Variants in CELF2 observed in about 807,000 individuals in gnomAD.
The protein encoded by CELF2 is CUG triplet repeat RNA-binding protein 2.
CELF2 carries 8 observed loss-of-function variants against 62.6 expected under a neutral mutation model. The observed-to-expected ratio is 0.13, with a 90% CI of 0.07 to 0.23. The LOEUF is 0.23. Ranked by LOEUF, CELF2 falls within the 10% of genes least tolerant of loss-of-function variation. The probability of loss-of-function intolerance (pLI) is 1.00; values close to 1 mark genes in which losing one functional copy is unlikely to be tolerated. For synonymous variants in CELF2, 258 were observed against 250.0 expected (o/e 1.03, Z -0.30); for missense variants, 333 against 671.0 (o/e 0.50, Z 5.56).
At chr10:10,932,258 C>T (rs1310389638) in intron 2 of CELF2, among the ~76,000 whole-genome samples, 3 of 151,980 alleles carry the variant, frequency 2.0e-5, no homozygotes, top group East Asian at 1.9e-4. Context: ...ACAAGGTATG[C>T]GGTGGGGAGT....
rs1040896221 is a variant in CELF2 at position 11,012,086 on chromosome 10, G to T, written c.53+6646G>T. 3.9e-5 allele frequency among the ~76,000 whole-genome samples: 6 copies of T among 152,172 alleles called. No homozygotes were observed. Among genetic ancestry groups the T allele is most frequent in the Non-Finnish European group, 8.8e-5 (6 of 68,028 alleles). On this transcript the variant is annotated intron_variant, in intron 1 of 12. Transcript: ENST00000416382. The surrounding 1 kb of genome is among the most constrained non-coding windows in gnomAD (Gnocchi z 5.5). ...CGGAATGGCCACGCTTAAGAAGAAAGGTCTAGCTGATGAATCAGAAAATTA... is the reference window on the plus strand; with the variant it reads ...CGGAATGGCCACGCTTAAGAAGAAATGTCTAGCTGATGAATCAGAAAATTA...
At chr10:11,172,699 G>A (rs547901713) in intron 2 of CELF2, among the ~76,000 whole-genome samples, 6 of 152,200 alleles carry the variant, frequency 3.9e-5, no homozygotes, top group Non-Finnish European at 8.8e-5. Flanking sequence ...GGAAGAAGGG[G>A]AAGGAGGGAG....
chr10:10,689,819 G>A, the CELF2 span, among the ~76,000 whole-genome samples: 1 of 152,194 alleles, frequency 6.6e-6, no homozygotes. Context: ...AACGAAATAT[G>A]TACGTGTGAA....
At chr10:10,606,913 G>C in the CELF2 span, among the ~76,000 whole-genome samples, 1 of 152,114 alleles carries the variant, frequency 6.6e-6, no homozygotes, top group South Asian at 2.1e-4. Context: ...AGAACTAACT[G>C]TGTACCCTGT....
At chr10:10,470,997 T>C in the CELF2 span, among the ~76,000 whole-genome samples, 1 of 151,808 alleles carries the variant, frequency 6.6e-6, no homozygotes, top group Non-Finnish European at 1.5e-5. Context: ...GTCTAATTTC[T>C]TATGAAATTG....
At chr10:10,614,790 T>A in the CELF2 span, among the ~76,000 whole-genome samples, 1 of 152,068 alleles carries the variant, frequency 6.6e-6, no homozygotes, top group Admixed American at 6.5e-5. Context: ...ATTCAGGACT[T>A]TTTTCTCTGC....
the CELF2 span, among the ~76,000 whole-genome samples, chr10:10,589,445 T>C: frequency 6.6e-6 from 1 of 152,372 alleles, no homozygotes; most frequent in East Asian, 1.9e-4. Context: ...CAGCTAGTTT[T>C]TCAGGTTAAC....
chr10:10,499,858 AC>A, the CELF2 span, among the ~76,000 whole-genome samples: 1 of 152,204 alleles, frequency 6.6e-6, no homozygotes, highest in Non-Finnish European at 1.5e-5. Flanking sequence ...AGCTTGGGCA[AC>A]AGAATAAGAC....
In CELF2 at chr10:11,227,008, C is replaced by T. The variant is rs988475131; in HGVS notation, c.354+9501C>T. Among the ~76,000 whole-genome samples, 11 of 152,354 alleles carry T rather than the reference C, an allele frequency of 7.2e-5. No homozygotes were observed. Among genetic ancestry groups the T allele is most frequent in the East Asian group, 1.9e-4 (1 of 5,188 alleles). ...ATGCCCAGCTCCGTCCAACTGTCCT[C>T]GCCATTGCTCTGCTTCCGTGTTCCA... On this transcript the variant is annotated intron_variant, in intron 3 of 12. Transcript: ENST00000633077. This position sits in a 1 kb window ranked among gnomAD's most constrained non-coding sequence, Gnocchi z 4.8.
At chr10:11,042,583 A>T (rs1469696831) in intron 1 of CELF2, among the ~76,000 whole-genome samples, 1 of 152,178 alleles carries the variant, frequency 6.6e-6, no homozygotes, top group African/African-American at 2.4e-5. Context: ...TGTTCAATTC[A>T]GTGGTTTTTA....
At chr10:10,573,952 G>A in the CELF2 span, among the ~76,000 whole-genome samples, 2 of 152,038 alleles carry the variant, frequency 1.3e-5, no homozygotes, top group Admixed American at 6.6e-5. Flanking sequence ...AAATGCCAAA[G>A]AGAAGTATTC....
intron 1 of CELF2, among the ~76,000 whole-genome samples, chr10:11,040,855 AG>A (rs1315669600): frequency 6.6e-6 from 1 of 152,074 alleles, no homozygotes; most frequent in East Asian, 1.9e-4. Context: ...TCCATTATTC[AG>A]GGCTGCATTA....
chr10:10,613,111 C>T, the CELF2 span, among the ~76,000 whole-genome samples: 2 of 147,940 alleles, frequency 1.4e-5, no homozygotes, highest in Admixed American at 1.4e-4. Context: ...CTTCGAAACT[C>T]TTAGCTCAGT....
chr10:11,174,862 G>A (rs1440709385), intron 2 of CELF2, among the ~76,000 whole-genome samples: 2 of 152,226 alleles, frequency 1.3e-5, no homozygotes, highest in East Asian at 3.9e-4. Flanking sequence ...CTGCATCCTA[G>A]TCAAGTAAAG....
chr10:10,578,504 G>T, the CELF2 span, among the ~76,000 whole-genome samples: 967 of 152,092 alleles, frequency 6.4e-3, 10 homozygotes, highest in African/African-American at 0.022. Context: ...GGTCTAACAT[G>T]TAAGTCTTTA....
chr10:10,958,094 A>C (rs571709636), intron 2 of CELF2, among the ~76,000 whole-genome samples: 10 of 152,304 alleles, frequency 6.6e-5, no homozygotes, highest in Non-Finnish European at 1.3e-4. Flanking sequence ...TTTAGACTAA[A>C]AGCGTGTATT....
the CELF2 span, among the ~76,000 whole-genome samples, chr10:10,717,499 G>A: frequency 4.6e-5 from 7 of 151,932 alleles, no homozygotes; most frequent in African/African-American, 1.7e-4. Context: ...AGCCCATTAT[G>A]TGAAAAAAAT....
chr10:10,668,028 A>G, the CELF2 span, among the ~76,000 whole-genome samples: 14 of 152,218 alleles, frequency 9.2e-5, no homozygotes, highest in Non-Finnish European at 1.9e-4. Context: ...AAAGAGTATG[A>G]AATGGATAAA....
At chr10:10,774,885 T>TTA in the CELF2 span, among the ~76,000 whole-genome samples, 1 of 68,878 alleles carries the variant, frequency 1.5e-5, no homozygotes, top group Non-Finnish European at 2.6e-5. Context: ...ATTTATTTAT[T>TTA]TTTTTTTTTT....
Sources: gnomAD v4.1 joint callset for allele counts (sites outside exome capture counted in the v4.1 genomes callset) on GRCh38, gnomAD v4.1.1 for gene constraint, Gnocchi (gnomAD v3.1) non-coding constraint, MANE v1.5 for transcripts, NCBI Gene and HGNC (gene_info 2026-07-23, HGNC 2026-07-21) for gene names.